The following NCAM2 variants were observed in gnomAD, a reference collection of about 807,000 sequenced individuals.
NCAM2 encodes neural cell adhesion molecule 2.
In NCAM2, 30 loss-of-function variants were observed where a neutral mutation model predicts 98.1. That is an observed-to-expected ratio of 0.31 (90% confidence interval 0.23 to 0.41). The LOEUF (loss-of-function observed/expected upper bound fraction) is 0.41. NCAM2 is among the 10% of genes least tolerant of loss of function. The pLI is 1.00. For synonymous variants in NCAM2, 368 were observed against 342.4 expected, an observed-to-expected ratio of 1.07 and a Z score of -0.83; for missense variants, 867 against 1,005.8, an observed-to-expected ratio of 0.86 and a Z score of 1.87.
intron 1 of NCAM2, among the ~76,000 whole-genome samples, chr21:21,147,952 A>T (rs1047027566): frequency 8.5e-5 from 13 of 152,056 alleles, no homozygotes; most frequent in Admixed American, 3.3e-4. Context: ...CAGTGCTGTG[A>T]TTCCAGTCTG....
intron 1 of NCAM2, among the ~76,000 whole-genome samples, chr21:21,017,634 G>A (rs978215692): frequency 6.6e-6 from 1 of 151,904 alleles, no homozygotes; most frequent in African/African-American, 2.4e-5. Context: ...TCTTCCAAAA[G>A]CTGCACAGTG....
At chr21:21,251,026 TA>T (rs1305653912) in intron 1 of NCAM2, among the ~76,000 whole-genome samples, 3 of 152,238 alleles carry the variant, frequency 2.0e-5, no homozygotes, top group African/African-American at 7.2e-5. Context: ...TGATTATTTT[TA>T]ACACCTGGCT....
At chr21:21,527,573 A>G (rs1214514879) in intron 16 of NCAM2, among the ~76,000 whole-genome samples, 2 of 152,160 alleles carry the variant, frequency 1.3e-5, no homozygotes, top group East Asian at 1.9e-4. Flanking sequence ...ATTAAAGAAC[A>G]TATACAAATA....
intron 9 of NCAM2, among the ~76,000 whole-genome samples, chr21:21,388,107 A>T (rs758121268): frequency 6.6e-6 from 1 of 152,196 alleles, no homozygotes; most frequent in Non-Finnish European, 1.5e-5. Context: ...GGCAATAAGT[A>T]CAGAGAGGAT....
intron 16 of NCAM2, among the ~76,000 whole-genome samples, chr21:21,513,775 C>G (rs1358165919): frequency 6.6e-6 from 1 of 152,000 alleles, no homozygotes. Context: ...ATGTCTTGTC[C>G]AATGCTGAAA....
At chr21:21,028,625 T>A (rs907873922) in intron 1 of NCAM2, among the ~76,000 whole-genome samples, 3 of 152,170 alleles carry the variant, frequency 2.0e-5, no homozygotes, top group African/African-American at 7.2e-5. Context: ...TTAACTGAAT[T>A]AAAATGAGAC....
At chr21:21,488,450 C>T (rs1256181765) in intron 15 of NCAM2, among the ~76,000 whole-genome samples, 1 of 151,766 alleles carries the variant, frequency 6.6e-6, no homozygotes, top group East Asian at 1.9e-4. Flanking sequence ...AAACCATGAA[C>T]TTTTGGATCT....
chr21:21,191,188 G>A (rs891830809), intron 1 of NCAM2, among the ~76,000 whole-genome samples: 2 of 152,136 alleles, frequency 1.3e-5, no homozygotes, highest in African/African-American at 4.8e-5. Context: ...ATACAGAACA[G>A]GTGGACTGCA....
intron 8 of NCAM2, among the ~76,000 whole-genome samples, chr21:21,369,500 C>T (rs2075864908): frequency 6.6e-6 from 1 of 151,842 alleles, no homozygotes; most frequent in Admixed American, 6.6e-5. Context: ...TTACAATTCT[C>T]TGTTTAACAT....
At chr21:21,520,288 AATG>A (rs1163432482) in intron 16 of NCAM2, among the ~76,000 whole-genome samples, 9 of 152,156 alleles carry the variant, frequency 5.9e-5, no homozygotes, top group African/African-American at 2.2e-4. Flanking sequence ...AAAAAAATCA[AATG>A]ATAAATAATT....
chr21:21,287,624 T>G (rs1458165686), intron 4 of NCAM2, among the ~76,000 whole-genome samples: 3 of 151,982 alleles, frequency 2.0e-5, no homozygotes, highest in Non-Finnish European at 2.9e-5. Flanking sequence ...AAGTGTAGGT[T>G]TATTGTAAAA....
intron 1 of NCAM2, among the ~76,000 whole-genome samples, chr21:21,210,040 A>C (rs779941059): frequency 6.6e-6 from 1 of 152,318 alleles, no homozygotes; most frequent in East Asian, 1.9e-4. Context: ...ATACTCCATA[A>C]TGTGTCTTAG....
chr21:21,079,326 C>G (rs1341747340), intron 1 of NCAM2, among the ~76,000 whole-genome samples: 1 of 152,050 alleles, frequency 6.6e-6, no homozygotes, highest in African/African-American at 2.4e-5. Context: ...TTCATTCATT[C>G]AATAAACTTT....
At chr21:21,090,567 G>A (rs1025283983) in intron 1 of NCAM2, among the ~76,000 whole-genome samples, 1 of 152,136 alleles carries the variant, frequency 6.6e-6, no homozygotes, top group African/African-American at 2.4e-5. Flanking sequence ...AATGCTGCCT[G>A]CCTTCACCAC....
At chr21:21,428,189 TTGAG>T (rs1569052313) in intron 11 of NCAM2, among the ~76,000 whole-genome samples, 1 of 152,206 alleles carries the variant, frequency 6.6e-6, no homozygotes, top group Admixed American at 6.5e-5. Flanking sequence ...TATTCATTCA[TTGAG>T]TGGTGAATGG....
Position 21,031,951 on chromosome 21 carries a change from A to T in NCAM2, c.55+33333A>T, listed in dbSNP as rs73895128. Reference sequence around the variant, plus strand: ...GTTTGTGTTTTTGTAAATCTCTTGTAGAGATCTTAACAGGGAGCATGCTAC... The same window carrying T: ...GTTTGTGTTTTTGTAAATCTCTTGTTGAGATCTTAACAGGGAGCATGCTAC... On this transcript the variant is annotated intron_variant, in intron 1 of 17. Transcript: ENST00000400546. Among the ~76,000 whole-genome samples the T allele has an allele frequency of 8.5e-3, 1,297 of 152,306 alleles. 22 individuals are homozygous for T. The highest frequency in any genetic ancestry group is 0.029 in the African/African-American group (1,217 of 41,574).
At chr21:21,379,712 A>G (rs1408423358) in intron 9 of NCAM2, among the ~76,000 whole-genome samples, 5 of 152,032 alleles carry the variant, frequency 3.3e-5, no homozygotes, top group Admixed American at 6.6e-5. Flanking sequence ...AAAAGCACAT[A>G]TATTCTGTAG....
At position 21,297,032 on chromosome 21, in the gene NCAM2, A is replaced by G. The variant is rs143538224; in HGVS notation, c.619+4791A>G. On this transcript the variant is annotated intron_variant, in intron 5 of 17. Coordinates refer to ENST00000400546, the MANE Select transcript of NCAM2 (RefSeq NM_004540.5). Reference sequence around the variant, plus strand: ...TATTTTTTAAAGGATGAAAGCTAAAAAAAAGTTAAAGACCTGCTACCTAAG... The same window carrying G: ...TATTTTTTAAAGGATGAAAGCTAAAGAAAAGTTAAAGACCTGCTACCTAAG... 1.2e-3 allele frequency among the ~76,000 whole-genome samples: 182 copies of G among 151,990 alleles called. 1 individual carries two copies. In the East Asian group the frequency reaches 0.033, roughly 27 times the overall value.
chr21:21,360,837 A>G (rs1429470372), intron 8 of NCAM2, among the ~76,000 whole-genome samples: 1 of 152,002 alleles, frequency 6.6e-6, no homozygotes, highest in Non-Finnish European at 1.5e-5. Context: ...TATGTTCCAG[A>G]ACATAACGTA....
Sources: allele counts gnomAD v4.1 joint callset (sites outside exome capture counted in the v4.1 genomes callset), GRCh38; gene constraint gnomAD v4.1.1; transcripts MANE v1.5; gene names NCBI Gene and HGNC (gene_info 2026-07-23, HGNC 2026-07-21).